DAGLB: variants seen among roughly 807,000 people sequenced by gnomAD.
DAGLB encodes diacylglycerol lipase beta, also known as diacylglycerol lipase-beta.
DAGLB carries 66 observed loss-of-function variants against 72.1 expected under a neutral mutation model. That is an observed-to-expected ratio of 0.92 (90% CI 0.75 to 1.12). DAGLB has a LOEUF of 1.12. Among genes scored for constraint, DAGLB ranks in the 50% most tolerant of loss-of-function variants. DAGLB has a pLI of 0.00. For missense variants in DAGLB, 1,065 were observed against 884.9 expected (o/e 1.20, Z -2.58); for synonymous variants, 414 against 359.5 (o/e 1.15, Z -1.71).
At chr7:6,413,432 C>T (rs1475041221) in intron 11 of DAGLB, among the ~76,000 whole-genome samples, 1 of 152,112 alleles carries the variant, frequency 6.6e-6, no homozygotes, top group South Asian at 2.1e-4. Flanking sequence ...AGATTGAAAC[C>T]ATCCTGGCTA....
chr7:6,413,165 G>A, intron 11 of DAGLB, 131 bp from the exon 12 acceptor site: 1 of 955,336 alleles, frequency 1.0e-6, no homozygotes, highest in Non-Finnish European at 1.6e-6. Context: ...TCTCTAAAGG[G>A]AGGGTAGGGG....
chr7:6,445,800 TA>T, intron 2 of DAGLB, 152 bp downstream of exon 2: 1 of 858,738 alleles, frequency 1.2e-6, no homozygotes, highest in Non-Finnish European at 1.7e-6. Context: ...GAAAATGGTA[TA>T]AACTTGATGA....
intron 6 of DAGLB, among the ~76,000 whole-genome samples, chr7:6,429,105 G>C (rs1784401051): frequency 6.6e-6 from 1 of 151,920 alleles, no homozygotes; most frequent in Non-Finnish European, 1.5e-5. Flanking sequence ...CGCCCGGCCT[G>C]GGACAAGATA....
chr7:6,445,783 G>C (rs1381278396), intron 2 of DAGLB, 170 bp downstream of exon 2: 3 of 721,742 alleles, frequency 4.2e-6, no homozygotes, highest in Non-Finnish European at 6.3e-6. Flanking sequence ...TTTCTTTCAG[G>C]AGTGAAGAAA....
At chr7:6,432,708 G>T in intron 5 of DAGLB, 129 bp downstream of exon 5, 6 of 1,157,596 alleles carry the variant, frequency 5.2e-6, no homozygotes, top group South Asian at 2.0e-5. Flanking sequence ...GGGAGGAGGG[G>T]GAGGGGAGGG....
rs1562492158 is a variant in DAGLB at position 6,447,791 on chromosome 7, A to G, written c.52T>C (p.Leu18=). ...AGCTCGAAGAACCCTGGGAAGACCA[A>G]GTCGTCGCTGGCGATGGCCCAGCGC... The part of the protein sequence containing the change: ...GRRWAIASDD[L]VFPGFFELVV... Residue 18 remains leucine (L), a synonymous_variant, in exon 1 of 15, where the codon TTG becomes CTG. Transcript: ENST00000297056. 2 of 1,613,656 alleles carry G rather than the reference A, an allele frequency of 1.2e-6. No individual in the cohort carries two copies. The highest frequency in any genetic ancestry group is 1.7e-6 in the Non-Finnish European group (2 of 1,179,858).
chr7:6,418,687 C>CA (rs1784000629), intron 9 of DAGLB, among the ~76,000 whole-genome samples: 1 of 147,128 alleles, frequency 6.8e-6, no homozygotes, highest in Non-Finnish European at 1.5e-5. Flanking sequence ...TTTTTTGAGA[C>CA]AGAGTCTCGC....
chr7:6,441,051 T>A (rs1323926825), intron 2 of DAGLB, among the ~76,000 whole-genome samples: 1 of 150,316 alleles, frequency 6.7e-6, no homozygotes, highest in Non-Finnish European at 1.5e-5. Flanking sequence ...TCGATACATA[T>A]TTTTAATAAG....
intron 11 of DAGLB, among the ~76,000 whole-genome samples, chr7:6,415,436 C>T (rs919248846): frequency 2.6e-5 from 4 of 151,784 alleles, no homozygotes; most frequent in Non-Finnish European, 4.4e-5. Flanking sequence ...TGAGCCACCA[C>T]GCCTGGCCTT....
At chr7:6,430,941 A>G (rs1784468638) in intron 5 of DAGLB, among the ~76,000 whole-genome samples, 1 of 151,932 alleles carries the variant, frequency 6.6e-6, no homozygotes, top group African/African-American at 2.4e-5. Flanking sequence ...ACACCCGGCT[A>G]ATTTTTGTAT....
At chr7:6,422,979 A>C (rs1784180172) in intron 8 of DAGLB, among the ~76,000 whole-genome samples, 1 of 152,254 alleles carries the variant, frequency 6.6e-6, no homozygotes, top group Non-Finnish European at 1.5e-5. Context: ...TCCGTGTTCT[A>C]GAGTGAGTCC....
Position 6,436,439 on chromosome 7 carries a change from C to T in DAGLB, c.342G>A (p.Leu114=). The change falls in exon 3 of 15, where the codon CTG becomes CTA. Residue 114 remains leucine (L), a synonymous_variant. Coordinates refer to ENST00000297056, the MANE Select transcript of DAGLB (RefSeq NM_139179.4). ...CACCATCTGCCACCCAGGCAGCCCC[C>T]AGAGAGGCCCAGACCATCTCTGGAA... ...LFFPEMVWAS[L]GAAWVADGVQ... is the part of the protein sequence containing the mutation. 1 of 1,614,162 alleles carries T rather than the reference C, an allele frequency of 6.2e-7. No individual in the cohort carries two copies. The highest frequency in any genetic ancestry group is 1.3e-5 in the African/African-American group (1 of 75,052).
chr7:6,436,592 T>A (rs1031234163), intron 2 of DAGLB, 59 bp from the exon 3 acceptor site: 64 of 1,605,332 alleles, frequency 4.0e-5, no homozygotes, highest in Non-Finnish European at 5.4e-5. Context: ...AAGAGCTTCC[T>A]TTTTGCAAAA....
chr7:6,441,911 C>T (rs1438114010), intron 2 of DAGLB, among the ~76,000 whole-genome samples: 1 of 152,094 alleles, frequency 6.6e-6, no homozygotes, highest in Non-Finnish European at 1.5e-5. Context: ...AGAAGCAAGA[C>T]GGCATCGGGG....
chr7:6,415,882 A>G (rs989733272), intron 11 of DAGLB, among the ~76,000 whole-genome samples: 2 of 151,908 alleles, frequency 1.3e-5, no homozygotes, highest in Admixed American at 1.3e-4. Flanking sequence ...ACTCATAAAA[A>G]TGTCTTTAAA....
chr7:6,430,656 C>A, intron 5 of DAGLB, 49 bp from the exon 6 acceptor site: 1 of 1,479,724 alleles, frequency 6.8e-7, no homozygotes, highest in Non-Finnish European at 9.1e-7. Flanking sequence ...ACTCCTGACA[C>A]AGAGGATCAA....
intron 13 of DAGLB, among the ~76,000 whole-genome samples, chr7:6,412,207 C>T (rs1247168683): frequency 1.3e-5 from 2 of 152,206 alleles, no homozygotes; most frequent in Admixed American, 1.3e-4. Flanking sequence ...ACCCACCGCG[C>T]CTGGCCAGCA....
intron 2 of DAGLB, among the ~76,000 whole-genome samples, chr7:6,440,089 A>G (rs190364704): frequency 3.6e-4 from 54 of 150,058 alleles, no homozygotes; most frequent in Non-Finnish European, 6.8e-4. Context: ...AAACTACCAC[A>G]GTATCAAAGT....
Position 6,434,823 on chromosome 7 carries a change from T to C in DAGLB, c.617A>G (p.Lys206Arg). 1 of 1,614,194 alleles carries C rather than the reference T, an allele frequency of 6.2e-7. No homozygotes were observed. The highest frequency in any genetic ancestry group is 8.5e-7 in the Non-Finnish European group (1 of 1,180,036). Residue 206 changes from lysine to arginine, a missense_variant, in exon 4 of 15, where the codon AAA (lysine) becomes AGA (arginine). Coordinates refer to ENST00000297056, the MANE Select transcript of DAGLB (RefSeq NM_139179.4). ...RIKLLCCCIG[K>R]DDHTRVAFSS... ...AAAAGCAACCCGAGTATGGTCGTCT[T>C]TCCCAATGCAACAGCACAAGAGCTT...
Sources: allele counts gnomAD v4.1 joint callset (sites outside exome capture counted in the v4.1 genomes callset), GRCh38; gene constraint gnomAD v4.1.1; transcripts MANE v1.5; gene names NCBI Gene and HGNC (gene_info 2026-07-23, HGNC 2026-07-21).